The following MTMR7 variants were observed in gnomAD, a reference collection of about 807,000 sequenced individuals.
MTMR7 encodes the protein myotubularin related protein 7, also known as phosphatidylinositol-3-phosphate phosphatase MTMR7.
Under a neutral mutation model 81.2 loss-of-function variants are expected in MTMR7, and 76 were observed. The observed-to-expected ratio is 0.94, with a 90% CI of 0.78 to 1.13. MTMR7 has a LOEUF of 1.13. Ranked by LOEUF, MTMR7 falls within the 50% of genes most tolerant of loss-of-function variation. MTMR7 has a pLI of 0.00. For missense variants in MTMR7, 1,044 were observed against 820.0 expected (o/e 1.27, Z -3.34); for synonymous variants, 372 against 289.8 (o/e 1.28, Z -2.88).
At chr8:17,403,753 G>C (rs1236280226) in intron 1 of MTMR7, among the ~76,000 whole-genome samples, 1 of 151,392 alleles carries the variant, frequency 6.6e-6, no homozygotes, top group Non-Finnish European at 1.5e-5. Flanking sequence ...TCTTTCATCA[G>C]CGTTTTATAG....
At chr8:17,320,717 G>A (rs1048199605) in intron 7 of MTMR7, among the ~76,000 whole-genome samples, 2 of 152,158 alleles carry the variant, frequency 1.3e-5, no homozygotes, top group African/African-American at 4.8e-5. Flanking sequence ...GATGCCTTGT[G>A]ACAGTGCCCA....
At chr8:17,320,794 G>A (rs1325697256) in intron 7 of MTMR7, among the ~76,000 whole-genome samples, 1 of 152,162 alleles carries the variant, frequency 6.6e-6, no homozygotes, top group Non-Finnish European at 1.5e-5. Flanking sequence ...CTGAAACACG[G>A]CCCAGTGGAA....
chr8:17,358,623 G>A (rs1390281985), intron 4 of MTMR7, among the ~76,000 whole-genome samples: 2 of 152,038 alleles, frequency 1.3e-5, no homozygotes, highest in African/African-American at 4.8e-5. Context: ...GATGACATAC[G>A]TCTTCAAAAC....
At chr8:17,401,482 T>A (rs1241751659) in intron 1 of MTMR7, among the ~76,000 whole-genome samples, 1 of 152,048 alleles carries the variant, frequency 6.6e-6, no homozygotes, top group African/African-American at 2.4e-5. Flanking sequence ...TCCCTCTGGG[T>A]GTGAGGAGAC....
chr8:17,406,306 A>G (rs1307086656), intron 1 of MTMR7, among the ~76,000 whole-genome samples: 3 of 152,184 alleles, frequency 2.0e-5, no homozygotes, highest in African/African-American at 7.2e-5. Flanking sequence ...AATTTAATAA[A>G]AATAACTCAA....
At chr8:17,392,460 T>C (rs138859572) in intron 1 of MTMR7, among the ~76,000 whole-genome samples, 2 of 152,362 alleles carry the variant, frequency 1.3e-5, no homozygotes, top group Non-Finnish European at 2.9e-5. Flanking sequence ...AAAGCTTTCA[T>C]GGCAGCACAA....
chr8:17,349,159 C>T, intron 4 of MTMR7, 78 bp from the exon 5 acceptor site: 1 of 1,533,848 alleles, frequency 6.5e-7, no homozygotes, highest in Non-Finnish European at 8.9e-7. Context: ...TTCCACTTCA[C>T]CACGCTTACA....
chr8:17,379,788 T>A (rs1820704324), intron 1 of MTMR7, among the ~76,000 whole-genome samples: 1 of 152,068 alleles, frequency 6.6e-6, no homozygotes, highest in East Asian at 1.9e-4. Context: ...TTTTTGATTG[T>A]TTGTTTTTGT....
chr8:17,307,873 A>T (rs1817560469), intron 10 of MTMR7, among the ~76,000 whole-genome samples: 1 of 136,060 alleles, frequency 7.3e-6, no homozygotes, highest in African/African-American at 2.8e-5. Context: ...AACATCACAC[A>T]CCGGGGACTG....
chr8:17,308,832 A>G (rs1356729067), intron 10 of MTMR7, among the ~76,000 whole-genome samples: 1 of 152,186 alleles, frequency 6.6e-6, no homozygotes, highest in African/African-American at 2.4e-5. Context: ...TGAAGCCTTC[A>G]TCACCACTCC....
chr8:17,390,971 G>C (rs937398714), intron 1 of MTMR7, among the ~76,000 whole-genome samples: 2 of 152,174 alleles, frequency 1.3e-5, no homozygotes, highest in Non-Finnish European at 2.9e-5. Flanking sequence ...AGGTGCCCAG[G>C]GAAGTCTTCT....
Position 17,361,162 on chromosome 8 carries a change from G to A in MTMR7, c.423C>T (p.Leu141=). ...DLSEEYTRMG[L]PNHYWQLSDV... Reference sequence around the variant, plus strand: ...CGCTGAGCTGCCAGTAATGATTAGGGAGGCCCATCCGCGTGTATTCTTCAC... The same window carrying A: ...CGCTGAGCTGCCAGTAATGATTAGGAAGGCCCATCCGCGTGTATTCTTCAC... Residue 141 remains leucine (L), a synonymous_variant, in exon 4 of 14, where the codon CTC becomes CTT. Coordinates refer to ENST00000180173, the MANE Select transcript of MTMR7 (RefSeq NM_004686.5). The A allele has an allele frequency of 6.2e-7, 1 of 1,614,136 alleles. No individual in the cohort carries two copies.
intron 3 of MTMR7, among the ~76,000 whole-genome samples, chr8:17,365,333 T>C (rs756489111): frequency 2.0e-5 from 3 of 152,226 alleles, no homozygotes; most frequent in South Asian, 2.1e-4. Flanking sequence ...ATCAGGTATA[T>C]GGCTTCCAAG....
At position 17,312,973 on chromosome 8, in the gene MTMR7, A is replaced by T. The variant is rs145389121; in HGVS notation, c.975+319T>A. 3.0e-3 allele frequency among the ~76,000 whole-genome samples: 460 copies of T among 152,334 alleles called. 5 individuals are homozygous for T. Among genetic ancestry groups the T allele is most frequent in the Non-Finnish European group, 4.2e-3 (289 of 68,028 alleles). On this transcript the variant is annotated intron_variant, in intron 8 of 13. Transcript: ENST00000180173. Reference sequence around the variant, plus strand: ...AAGGCTCTACTGGATGTAAGCCCCAAGCCCCATCACTGAAGTAACTCACAT... The same window carrying T: ...AAGGCTCTACTGGATGTAAGCCCCATGCCCCATCACTGAAGTAACTCACAT...
intron 8 of MTMR7, among the ~76,000 whole-genome samples, chr8:17,312,805 C>A (rs573089091): frequency 2.6e-5 from 4 of 152,092 alleles, no homozygotes; most frequent in Non-Finnish European, 5.9e-5. Flanking sequence ...GTATTTATTT[C>A]TTTAAAAAAA....
chr8:17,383,403 T>C (rs1820822730), intron 1 of MTMR7, among the ~76,000 whole-genome samples: 1 of 152,144 alleles, frequency 6.6e-6, no homozygotes, highest in African/African-American at 2.4e-5. Flanking sequence ...TGCTAGGTAT[T>C]ATCCACATGC....
At chr8:17,316,134 T>A (rs892287088) in intron 7 of MTMR7, among the ~76,000 whole-genome samples, 1 of 152,224 alleles carries the variant, frequency 6.6e-6, no homozygotes. Flanking sequence ...ACTAGCTATG[T>A]GGGCTTGGGC....
intron 6 of MTMR7, among the ~76,000 whole-genome samples, chr8:17,337,364 A>C (rs200688812): frequency 0.083 from 9,806 of 118,188 alleles, 902 homozygotes; most frequent in East Asian, 0.34. Flanking sequence ...CTCCGTCCCA[A>C]AAAAAAAAAA....
rs976476720 is a variant in MTMR7 at position 17,349,216 on chromosome 8, C to A, written c.469-135G>T. The A allele has an allele frequency of 5.6e-6, 6 of 1,067,240 alleles. No homozygotes were observed. In the South Asian group the frequency reaches 8.3e-5, roughly 15 times the overall value. 66.1% of individuals were successfully genotyped at this position (1,067,240 alleles called of 1,614,324 possible). A position where few individuals can be genotyped will look rare whatever the true frequency, so the allele number is the denominator to read the frequency against. Reference sequence around the variant, plus strand: ...AACCATGTTACAGAGGAGGCTATTTCGAGGAAACTCAAAGCCACTTCAGAG... The same window carrying A: ...AACCATGTTACAGAGGAGGCTATTTAGAGGAAACTCAAAGCCACTTCAGAG... On this transcript the variant is annotated intron_variant, in intron 4 of 13. Coordinates refer to ENST00000180173, the MANE Select transcript of MTMR7 (RefSeq NM_004686.5).
Sources: gnomAD v4.1 joint callset for allele counts (sites outside exome capture counted in the v4.1 genomes callset) on GRCh38, gnomAD v4.1.1 for gene constraint, MANE v1.5 for transcripts, NCBI Gene and HGNC (gene_info 2026-07-23, HGNC 2026-07-21) for gene names.